The following PATJ variants were observed in gnomAD, a reference collection of about 807,000 sequenced individuals.
PATJ encodes the protein PATJ crumbs cell polarity complex component, also known as inaD-like protein.
PATJ carries 190 observed loss-of-function variants against 224.9 expected under a neutral mutation model. The ratio of observed to expected loss-of-function variants is 0.84; its 90% CI spans 0.75 to 0.95. The LOEUF is 0.95. Among genes scored for constraint, PATJ ranks in the 40% least tolerant of loss-of-function variants. The pLI is 0.00. For missense variants in PATJ, 2,121 were observed against 2,270.3 expected, an observed-to-expected ratio of 0.93 and a Z score of 1.34; for synonymous variants, 769 against 820.3, an observed-to-expected ratio of 0.94 and a Z score of 1.07.
At chr1:61,937,380 GTTTC>G (rs1429918516) in intron 27 of PATJ, among the ~76,000 whole-genome samples, 3 of 151,884 alleles carry the variant, frequency 2.0e-5, no homozygotes, top group Admixed American at 1.3e-4. Context: ...CTACAATATA[GTTTC>G]TTTCTTATAG....
At chr1:61,919,249 T>A (rs1265754485) in intron 26 of PATJ, among the ~76,000 whole-genome samples, 1 of 152,108 alleles carries the variant, frequency 6.6e-6, no homozygotes, top group Non-Finnish European at 1.5e-5. Flanking sequence ...AATGCAGAGA[T>A]TATTTATTTT....
At chr1:61,759,608 A>G (rs1645849039) in intron 1 of PATJ, among the ~76,000 whole-genome samples, 1 of 152,106 alleles carries the variant, frequency 6.6e-6, no homozygotes, top group Admixed American at 6.5e-5. Context: ...AGGTTTCACC[A>G]TGTTGTTCAG....
chr1:62,126,048 G>A (rs1308787432), intron 39 of PATJ, among the ~76,000 whole-genome samples: 1 of 152,216 alleles, frequency 6.6e-6, no homozygotes, highest in Admixed American at 6.5e-5. Context: ...TGGGATTACA[G>A]GAGTGAGCCA....
intron 13 of PATJ, among the ~76,000 whole-genome samples, chr1:61,807,106 G>A (rs994640599): frequency 5.3e-5 from 8 of 152,080 alleles, no homozygotes; most frequent in Admixed American, 1.3e-4. Flanking sequence ...AGCTGAGATC[G>A]TGCCACTGCA....
At position 62,117,238 on chromosome 1, in the gene PATJ, C is replaced by T. The variant is rs761389312; in HGVS notation, c.4890+20C>T. On this transcript the variant is annotated intron_variant, in intron 37 of 43. Transcript: ENST00000642238. Reference sequence around the variant, plus strand: ...AGTCAGGTTGTCGATGGCTTCTCATCAGACTGACTCACTCTTCTGCCCCCA... The same window carrying T: ...AGTCAGGTTGTCGATGGCTTCTCATTAGACTGACTCACTCTTCTGCCCCCA... 2 of 1,613,640 alleles carry T rather than the reference C, an allele frequency of 1.2e-6. No individual in the cohort carries two copies. The highest frequency in any genetic ancestry group is 2.2e-5 in the South Asian group (2 of 91,006).
At position 61,973,275 on chromosome 1, in the gene PATJ, C is replaced by T. The variant is rs558020892; in HGVS notation, c.3671-16893C>T. ...CAATAAATGACTAAAGATGACACAA[C>T]AAAATACCGTCCAATCTCAGCTGGA... On this transcript the variant is annotated intron_variant, in intron 27 of 43. Coordinates refer to ENST00000642238, the MANE Select transcript of PATJ (RefSeq NM_001350145.3). Among the ~76,000 whole-genome samples, 7 of 152,060 alleles carry T rather than the reference C, an allele frequency of 4.6e-5. No homozygotes were observed. The East Asian group carries it at 1.4e-3, about 29-fold the overall frequency.
In PATJ at chr1:61,884,412, T is replaced by A; in HGVS notation, c.3131+4T>A. 6.6e-7 allele frequency: 1 copy of A among 1,504,432 alleles called. No homozygotes were observed. The highest frequency in any genetic ancestry group is 8.9e-7 in the Non-Finnish European group (1 of 1,120,502). The allele number at this position is 1,504,432 out of a possible 1,614,324, so 93.2% of individuals were successfully genotyped here. A position where few individuals can be genotyped will look rare whatever the true frequency, so the allele number is the denominator to read the frequency against. On this transcript the variant is annotated splice_donor_region_variant and intron_variant, in intron 22 of 43. Transcript: ENST00000642238. ...CTAGATATGCCACTGATACATGGTA[T>A]GATATCATTTCTCTTTGTTTTCACA...
chr1:61,911,477 G>T (rs1455870284), intron 25 of PATJ, among the ~76,000 whole-genome samples: 1 of 152,000 alleles, frequency 6.6e-6, no homozygotes, highest in East Asian at 1.9e-4. Context: ...CTCCCAAAGT[G>T]AGCCACCGCA....
chr1:61,932,626 G>A (rs1421806450), intron 27 of PATJ, among the ~76,000 whole-genome samples: 6 of 152,290 alleles, frequency 3.9e-5, no homozygotes, highest in Admixed American at 2.6e-4. Flanking sequence ...TGTGCGGGAC[G>A]CAGGGGCTCA....
chr1:61,796,349 C>T (rs1324370899), intron 10 of PATJ, among the ~76,000 whole-genome samples: 1 of 152,114 alleles, frequency 6.6e-6, no homozygotes, highest in Non-Finnish European at 1.5e-5. Flanking sequence ...AGCTAGAAGA[C>T]CTATTGGAGG....
At chr1:61,782,658 A>G (rs1297192881) in intron 7 of PATJ, among the ~76,000 whole-genome samples, 1 of 152,200 alleles carries the variant, frequency 6.6e-6, no homozygotes, top group East Asian at 1.9e-4. Context: ...AATTCCATGG[A>G]TAGAGAAATT....
chr1:61,810,236 G>C (rs1654440801), intron 14 of PATJ, among the ~76,000 whole-genome samples: 1 of 152,202 alleles, frequency 6.6e-6, no homozygotes, highest in South Asian at 2.1e-4. Flanking sequence ...TGTTGTGACT[G>C]TGTCGGCCAA....
chr1:61,807,136 G>A (rs949447614), intron 13 of PATJ, among the ~76,000 whole-genome samples: 1 of 151,892 alleles, frequency 6.6e-6, no homozygotes, highest in Non-Finnish European at 1.5e-5. Context: ...GGCAAAAGAG[G>A]GAGACTCCAC....
chr1:62,115,753 C>A (rs939521346), intron 35 of PATJ, among the ~76,000 whole-genome samples: 4 of 151,516 alleles, frequency 2.6e-5, no homozygotes, highest in African/African-American at 9.7e-5. Context: ...TATGCCCTCA[C>A]AGACCTCTGG....
rs1441031465 is a variant in PATJ, at chr1:62,162,964, A to G, written c.*1910A>G. The G allele has an allele frequency of 2.4e-6, 1 of 411,424 alleles. No individual in the cohort carries two copies. The highest frequency in any genetic ancestry group is 4.8e-6 in the Non-Finnish European group (1 of 207,606). 25.5% of individuals were successfully genotyped at this position (411,424 alleles called of 1,614,324 possible). On this transcript the variant is annotated 3_prime_UTR_variant, in exon 44 of 44. Transcript: ENST00000642238. ...TCTGTCTCGAAAAAGAAAAAAAACC[A>G]TGAAGGATGAGTACTAGAGTCAGTA... is the stretch of plus-strand genomic sequence containing the variant.
rs776176524 is a variant in PATJ at position 61,827,452 on chromosome 1, C to T, written c.1849C>T (p.Arg617Cys). 4.4e-5 allele frequency: 71 copies of T among 1,613,792 alleles called. No individual in the cohort carries two copies. The East Asian group carries it at 5.6e-4, about 13-fold the overall frequency. ...VNGMQLYGKS[R>C]REAVSFLKEV... ...TGGCATGCAGCTTTATGGAAAATCT[C>T]GCCGAGAAGCAGTCTCCTTTCTTAA... Residue 617 changes from arginine (R) to cysteine (C), a missense_variant, in exon 16 of 44, where the codon CGC becomes TGC. Coordinates refer to ENST00000642238, the MANE Select transcript of PATJ (RefSeq NM_001350145.3).
At chr1:62,128,132 G>T (rs377199037) in intron 40 of PATJ, 38 bp downstream of exon 40, 95 of 1,612,726 alleles carry the variant, frequency 5.9e-5, no homozygotes, top group Non-Finnish European at 7.4e-5. Context: ...AACAATATGT[G>T]TTGGGGTGGG....
chr1:62,144,773 A>ATATAT (rs1017771263), intron 41 of PATJ, among the ~76,000 whole-genome samples: 3 of 86,906 alleles, frequency 3.5e-5, no homozygotes, highest in African/African-American at 4.9e-5. Flanking sequence ...TTGCAAAAAA[A>ATATAT]AAAAATATAT....
chr1:61,833,420 TAAA>T (rs1037050481), intron 16 of PATJ: 1 of 329,060 alleles, frequency 3.0e-6, no homozygotes, highest in Admixed American at 4.7e-5. Context: ...TTCACATTAA[TAAA>T]AAAAACTGTA....
Sources: gnomAD v4.1 joint callset for allele counts (sites outside exome capture counted in the v4.1 genomes callset) on GRCh38, gnomAD v4.1.1 for gene constraint, MANE v1.5 for transcripts, NCBI Gene and HGNC (gene_info 2026-07-23, HGNC 2026-07-21) for gene names.